Variants in AGO3 observed in about 807,000 individuals in gnomAD.
AGO3 encodes argonaute RISC catalytic component 3.
A neutral mutation model predicts 105.5 loss-of-function variants in AGO3; 16 were observed. The observed-to-expected ratio is 0.15, with a 90% CI of 0.10 to 0.23. The LOEUF is 0.23. Among genes scored for constraint, AGO3 ranks in the 10% least tolerant of loss-of-function variants. The probability of loss-of-function intolerance (pLI) is 1.00; values close to 1 mark genes in which losing one functional copy is unlikely to be tolerated. For synonymous variants in AGO3, 340 were observed against 367.3 expected (o/e 0.93, Z 0.85); for missense variants, 534 against 1,088.0 (o/e 0.49, Z 7.16).
chr1:36,061,185 T>A lies in AGO3; in HGVS notation c.*5440T>A, dbSNP rs1643022249. On this transcript the variant is annotated 3_prime_UTR_variant, in exon 19 of 19. Transcript: ENST00000373191. ...AGTCCCAGGAAGCAGGGAGGGGGAG[T>A]GTGTGTGTGTGTATATGTATGAGTG... is the stretch of plus-strand genomic sequence containing the variant. 6.6e-6 allele frequency: 1 copy of A among 150,902 alleles called. No individual in the cohort carries two copies. The highest frequency in any genetic ancestry group is 6.6e-5 in the Admixed American group (1 of 15,074). 9.3% of individuals were successfully genotyped at this position (150,902 alleles called of 1,614,324 possible). A position where few individuals can be genotyped will look rare whatever the true frequency, so the allele number is the denominator to read the frequency against.
chr1:36,055,208 C>A lies in AGO3; in HGVS notation c.2474+63C>A. On this transcript the variant is annotated intron_variant, in intron 18 of 18. Transcript: ENST00000373191. The surrounding 1 kb of genome is among the most constrained non-coding windows in gnomAD (Gnocchi z 4.4). ...AATATTGTCTGCATGGTAGGATTTT[C>A]AAGTTCCACAAGCTATTAGCGGAGT... 1.3e-6 allele frequency: 2 copies of A among 1,499,858 alleles called. No homozygotes were observed. The highest frequency in any genetic ancestry group is 2.4e-5 in the South Asian group (2 of 82,482). 92.9% of individuals were successfully genotyped at this position (1,499,858 alleles called of 1,614,324 possible). A position where few individuals can be genotyped will look rare whatever the true frequency, so the allele number is the denominator to read the frequency against.
At chr1:35,935,226 C>G (rs556817113) in intron 1 of AGO3, among the ~76,000 whole-genome samples, 4 of 151,966 alleles carry the variant, frequency 2.6e-5, no homozygotes, top group African/African-American at 9.7e-5. Flanking sequence ...CGAGGGAAAA[C>G]AAAAATTGAG....
upstream of AGO3, chr1:35,931,073 G>T: frequency 2.6e-6 from 1 of 389,574 alleles, no homozygotes; most frequent in South Asian, 1.3e-4. Flanking sequence ...CAGCGGAACT[G>T]ACGCCGGCGA....
chr1:35,998,151 C>G (rs967885100), intron 5 of AGO3, among the ~76,000 whole-genome samples: 2 of 152,094 alleles, frequency 1.3e-5, no homozygotes, highest in South Asian at 4.2e-4. Context: ...TTTCTTTTCC[C>G]TAGTTATAGT....
At chr1:36,001,079 TAAAA>T (rs1640061972) in intron 5 of AGO3, among the ~76,000 whole-genome samples, 1 of 151,594 alleles carries the variant, frequency 6.6e-6, no homozygotes, top group Non-Finnish European at 1.5e-5. Context: ...CCACTAAAAA[TAAAA>T]AAATTAGCCG....
rs920237933 is a variant in AGO3, at chr1:36,055,582, T to C, written c.2475-55T>C. 6 of 1,508,176 alleles carry C rather than the reference T, an allele frequency of 4.0e-6. No individual in the cohort carries two copies. The Admixed American group carries it at 5.3e-5, about 13-fold the overall frequency. The allele number at this position is 1,508,176 out of a possible 1,614,324, so 93.4% of individuals were successfully genotyped here. On this transcript the variant is annotated intron_variant, in intron 18 of 18. Coordinates refer to ENST00000373191, the MANE Select transcript of AGO3 (RefSeq NM_024852.4). This position sits in a 1 kb window ranked among gnomAD's most constrained non-coding sequence, Gnocchi z 4.4. ...CTACAACAAATAGTATTTTTCGGAA[T>C]TATTACATCAGAATAGAAAGTTTGT...
intron 1 of AGO3, among the ~76,000 whole-genome samples, chr1:35,942,091 T>C (rs1442014930): frequency 1.3e-5 from 2 of 152,198 alleles, no homozygotes; most frequent in Non-Finnish European, 2.9e-5. Flanking sequence ...ATTTGTACAG[T>C]ATTACTTATC....
At chr1:36,003,585 T>C (rs1640195585) in intron 5 of AGO3, among the ~76,000 whole-genome samples, 1 of 151,018 alleles carries the variant, frequency 6.6e-6, no homozygotes, top group South Asian at 2.1e-4. Context: ...TCCCAGCTAC[T>C]TGAGAGGCTG....
At chr1:35,986,222 T>A (rs888475276) in intron 5 of AGO3, among the ~76,000 whole-genome samples, 1 of 152,166 alleles carries the variant, frequency 6.6e-6, no homozygotes, top group Non-Finnish European at 1.5e-5. Context: ...TAAAGAGATA[T>A]CTTGCATGTG....
intron 1 of AGO3, among the ~76,000 whole-genome samples, chr1:35,933,325 C>T (rs1003678855): frequency 1.2e-4 from 18 of 152,046 alleles, no homozygotes; most frequent in African/African-American, 4.1e-4. Flanking sequence ...AAGTTGAAAG[C>T]ATAGCTGTGC....
Position 36,027,276 on chromosome 1 carries a change from G to T in AGO3, c.1569G>T (p.Leu523=). 1 of 1,613,306 alleles carries T rather than the reference G, an allele frequency of 6.2e-7. No individual in the cohort carries two copies. The highest frequency in any genetic ancestry group is 8.5e-7 in the Non-Finnish European group (1 of 1,179,566). Reference sequence around the variant, plus strand: ...GCCTACAGCTTATTATCGTCATCCTGCCGGGGAAGACACCAGTGTATGGTA... The same window carrying T: ...GCCTACAGCTTATTATCGTCATCCTTCCGGGGAAGACACCAGTGTATGGTA... ...YSGLQLIIVI[L]PGKTPVYAEV... is the part of the protein sequence containing the mutation. The change falls in exon 12 of 19, where the codon CTG becomes CTT. Residue 523 remains leucine, a synonymous_variant. Coordinates refer to ENST00000373191, the MANE Select transcript of AGO3 (RefSeq NM_024852.4). The surrounding 1 kb of genome is among the most constrained non-coding windows in gnomAD (Gnocchi z 4.0).
chr1:36,026,652 T>C (rs1401371005), intron 11 of AGO3, among the ~76,000 whole-genome samples: 1 of 152,192 alleles, frequency 6.6e-6, no homozygotes, highest in Non-Finnish European at 1.5e-5. Flanking sequence ...AAATAAACAA[T>C]AGCTAAAATG....
chr1:36,048,500 C>T (rs1406392764), intron 17 of AGO3, among the ~76,000 whole-genome samples: 1 of 151,990 alleles, frequency 6.6e-6, no homozygotes, highest in Non-Finnish European at 1.5e-5. Context: ...AGAACAGATA[C>T]ACAAGAAAGA....
At chr1:36,002,679 A>G (rs554873562) in intron 5 of AGO3, among the ~76,000 whole-genome samples, 19 of 152,002 alleles carry the variant, frequency 1.2e-4, no homozygotes, top group African/African-American at 4.3e-4. Flanking sequence ...CTCACCACCC[A>G]CATTTATCCA....
intron 14 of AGO3, among the ~76,000 whole-genome samples, chr1:36,036,929 C>T (rs1642036602): frequency 2.0e-5 from 3 of 152,070 alleles, no homozygotes; most frequent in African/African-American, 2.4e-5. Context: ...CTCCTGATCT[C>T]GGTCAGTCCA....
chr1:35,982,517 T>A (rs1363119093), intron 5 of AGO3: 6 of 625,060 alleles, frequency 9.6e-6, no homozygotes, highest in Non-Finnish European at 1.7e-5. Context: ...AAATAAAAGA[T>A]AAAAACAAAT....
chr1:35,972,374 T>G, intron 4 of AGO3, 142 bp downstream of exon 4: 1 of 991,810 alleles, frequency 1.0e-6, no homozygotes, highest in Middle Eastern at 3.3e-4. Flanking sequence ...CCATACAAAT[T>G]CATTGACAGG....
At chr1:35,941,548 A>G (rs1428121595) in intron 1 of AGO3, among the ~76,000 whole-genome samples, 3 of 152,232 alleles carry the variant, frequency 2.0e-5, no homozygotes, top group African/African-American at 7.2e-5. Context: ...ATGGAACAGA[A>G]CAGAGAGTCC....
At chr1:36,003,694 C>CAAA (rs1209511459) in intron 5 of AGO3, among the ~76,000 whole-genome samples, 1,198 of 53,356 alleles carry the variant, frequency 0.022, 58 homozygotes, top group African/African-American at 0.058. Flanking sequence ...AAGTCTGTCT[C>CAAA]AAAAAAAAAA....
Sources: gnomAD v4.1 joint callset for allele counts (sites outside exome capture counted in the v4.1 genomes callset) on GRCh38, gnomAD v4.1.1 for gene constraint, Gnocchi (gnomAD v3.1) non-coding constraint, MANE v1.5 for transcripts, NCBI Gene and HGNC (gene_info 2026-07-23, HGNC 2026-07-21) for gene names.